LANCL3: variants seen among roughly 807,000 people sequenced by gnomAD.
LANCL3 encodes LanC like family member 3.
In LANCL3, 19 loss-of-function variants were observed where a neutral mutation model predicts 26.5. That is an observed-to-expected ratio of 0.72 (90% CI 0.50 to 1.05). LANCL3 has a LOEUF of 1.05. LANCL3 is among the 50% of genes least tolerant of loss of function. The pLI, the probability that LANCL3 is intolerant of heterozygous loss-of-function variation, is 0.00. For missense variants in LANCL3, 318 were observed against 362.7 expected, an observed-to-expected ratio of 0.88 and a Z score of 1.00; for synonymous variants, 160 against 166.6, an observed-to-expected ratio of 0.96 and a Z score of 0.30.
chrX:37,632,148 G>C (rs1165464295), intron 1 of LANCL3, among the ~76,000 whole-genome samples: 4 of 111,957 alleles, frequency 3.6e-5, no homozygotes, highest in Non-Finnish European at 7.5e-5. Flanking sequence ...TGTATTGGTT[G>C]CATATATATT....
chrX:37,591,981 C>G (rs1924295643), intron 1 of LANCL3, among the ~76,000 whole-genome samples: 1 of 111,011 alleles, frequency 9.0e-6, no homozygotes, highest in Non-Finnish European at 1.9e-5. Context: ...ACTTTTTTGA[C>G]AGATTGAATT....
intron 1 of LANCL3, among the ~76,000 whole-genome samples, chrX:37,639,741 G>A (rs782800969): frequency 6.5e-4 from 73 of 111,644 alleles, no homozygotes; most frequent in African/African-American, 2.2e-3. Flanking sequence ...AGCATCACAC[G>A]TGGAGCTTTT....
chrX:37,585,943 C>G (rs1556417920), intron 1 of LANCL3, among the ~76,000 whole-genome samples: 1 of 111,586 alleles, frequency 9.0e-6, no homozygotes, highest in Non-Finnish European at 1.9e-5. Flanking sequence ...ACCGGTTGTT[C>G]CTTTCCATGT....
At chrX:37,640,393 G>A (rs1231484824) in intron 1 of LANCL3, among the ~76,000 whole-genome samples, 1 of 111,201 alleles carries the variant, frequency 9.0e-6, no homozygotes, top group East Asian at 2.8e-4. Flanking sequence ...TCTGAGAACA[G>A]CAATGGGGAA....
intron 1 of LANCL3, among the ~76,000 whole-genome samples, chrX:37,620,873 GA>G (rs1321520130): frequency 9.0e-6 from 1 of 111,374 alleles, no homozygotes; most frequent in East Asian, 2.8e-4. Flanking sequence ...CATTATCATT[GA>G]ACCCCACATG....
In LANCL3 at chrX:37,677,892, C is replaced by T. The variant is rs969062177; in HGVS notation, c.*2079C>T. On this transcript the variant is annotated 3_prime_UTR_variant, in exon 5 of 5. Transcript: ENST00000378619. ...AAAATAAACTTTCCCTCAAAGCTAC[C>T]TTCTGTTTCCATTTGCTGTTCCTTT... 1.8e-4 allele frequency: 20 copies of T among 111,843 alleles called. No homozygotes were observed. The highest frequency in any genetic ancestry group is 6.2e-4 in the African/African-American group (19 of 30,832). 9.2% of individuals were successfully genotyped at this position (111,843 alleles called of 1,213,427 possible).
At chrX:37,638,413 T>C (rs1925767562) in intron 1 of LANCL3, among the ~76,000 whole-genome samples, 2 of 111,659 alleles carry the variant, frequency 1.8e-5, no homozygotes, top group Non-Finnish European at 3.8e-5. Flanking sequence ...TGTACTCTTT[T>C]ATGTAATTCC....
intron 1 of LANCL3, among the ~76,000 whole-genome samples, chrX:37,624,765 C>T (rs1925267859): frequency 9.0e-6 from 1 of 111,408 alleles, no homozygotes; most frequent in South Asian, 3.8e-4. Context: ...GCTTCTCTGA[C>T]CTGACGTTCT....
At chrX:37,672,881 T>C (rs1556436650) in intron 4 of LANCL3, among the ~76,000 whole-genome samples, 1 of 112,037 alleles carries the variant, frequency 8.9e-6, no homozygotes, top group East Asian at 2.8e-4. Flanking sequence ...ATTTTGTCTG[T>C]TGGCTAGGGG....
chrX:37,623,152 C>T (rs1347700606), intron 1 of LANCL3, among the ~76,000 whole-genome samples: 1 of 111,950 alleles, frequency 8.9e-6, no homozygotes, highest in Non-Finnish European at 1.9e-5. Flanking sequence ...AGCCAGTGCA[C>T]TTATTTCCAC....
At chrX:37,580,311 A>G (rs781804518) in intron 1 of LANCL3, among the ~76,000 whole-genome samples, 26 of 112,260 alleles carry the variant, frequency 2.3e-4, no homozygotes, top group Non-Finnish European at 3.9e-4. Context: ...AATAAGGACT[A>G]ACGATGACTG....
At position 37,604,977 on chromosome X, in the gene LANCL3, G is replaced by T. The variant is rs12559811; in HGVS notation, c.573+32534G>T. 8.6e-3 allele frequency among the ~76,000 whole-genome samples: 965 copies of T among 112,458 alleles called. 31 individuals are homozygous for T. Among genetic ancestry groups the T allele is most frequent in the East Asian group, 0.078 (277 of 3,551 alleles). ...AAATGAGAGATGCATTGAGATGTGT[G>T]GATGTGTGTTCTTGGTTTCTACATT... On this transcript the variant is annotated intron_variant, in intron 1 of 4. Coordinates refer to ENST00000378619, the MANE Select transcript of LANCL3 (RefSeq NM_001170331.2).
chrX:37,627,950 T>C (rs930951078), intron 1 of LANCL3, among the ~76,000 whole-genome samples: 1 of 111,797 alleles, frequency 8.9e-6, no homozygotes, highest in African/African-American at 3.3e-5. Flanking sequence ...CTGACTACCA[T>C]AGTACGTTTA....
chrX:37,616,968 T>C (rs1347188866), intron 1 of LANCL3, among the ~76,000 whole-genome samples: 2 of 111,788 alleles, frequency 1.8e-5, no homozygotes, highest in African/African-American at 6.5e-5. Flanking sequence ...TTAAAAGTGC[T>C]CTTTTGAAAG....
In LANCL3 at chrX:37,683,394, A is replaced by G. The variant is rs1276441099; in HGVS notation, c.*7581A>G. The G allele has an allele frequency of 8.9e-6, 1 of 112,045 alleles. No individual in the cohort carries two copies. Among genetic ancestry groups the G allele is most frequent in the Non-Finnish European group, 1.9e-5 (1 of 53,168 alleles). The allele number at this position is 112,045 out of a possible 1,213,427, so 9.2% of individuals were successfully genotyped here. ...TTAGTATTATTAATAAAATTGTACT[A>G]TTTGCAATATATTTGCCTTGGCACA... On this transcript the variant is annotated 3_prime_UTR_variant, in exon 5 of 5. Coordinates refer to ENST00000378619, the MANE Select transcript of LANCL3 (RefSeq NM_001170331.2).
chrX:37,572,034 C>G lies in LANCL3; in HGVS notation c.164C>G (p.Thr55Arg). The G allele has an allele frequency of 3.4e-6, 4 of 1,181,545 alleles. No individual in the cohort carries two copies. Among genetic ancestry groups the G allele is most frequent in the East Asian group, 6.1e-5 (2 of 32,604 alleles). The change falls in exon 1 of 5, where the codon ACG (threonine) becomes AGG (arginine). Residue 55 changes from threonine (T) to arginine (R), a missense_variant. By Grantham distance (71) the Thr-to-Arg change is moderately conservative. Transcript: ENST00000378619. ...GGCGGCGCGGAGGCCCGAGGGGCGA[C>G]GGCGGGGGCTAGCGCCTGCCAGGGG... Reference protein sequence around the residue: ...LGGGAEARGATAGASACQGGL... With the variant: ...LGGGAEARGARAGASACQGGL...
chrX:37,621,528 C>CT (rs1925160671), intron 1 of LANCL3, among the ~76,000 whole-genome samples: 1 of 112,616 alleles, frequency 8.9e-6, no homozygotes, highest in Non-Finnish European at 1.9e-5. Flanking sequence ...GGCACTCTAA[C>CT]TAAAGAGAAT....
intron 1 of LANCL3, among the ~76,000 whole-genome samples, chrX:37,605,730 C>T (rs1384745094): frequency 9.0e-6 from 1 of 111,539 alleles, no homozygotes; most frequent in Non-Finnish European, 1.9e-5. Flanking sequence ...ATGCTCACCT[C>T]CTTCAGGTAT....
chrX:37,672,238 A>G (rs1359852543), intron 4 of LANCL3, among the ~76,000 whole-genome samples: 1 of 111,830 alleles, frequency 8.9e-6, no homozygotes, highest in Non-Finnish European at 1.9e-5. Context: ...CCCATTAAGT[A>G]TTTTCTGGCA....
Sources: gnomAD v4.1 joint callset for allele counts (sites outside exome capture counted in the v4.1 genomes callset) on GRCh38, gnomAD v4.1.1 for gene constraint, MANE v1.5 for transcripts, NCBI Gene and HGNC (gene_info 2026-07-23, HGNC 2026-07-21) for gene names.